ECM2: variants seen among roughly 807,000 people sequenced by gnomAD.
ECM2 encodes the protein extracellular matrix protein 2, also known as extracellular matrix protein 2, female organ and adipocyte specific.
ECM2 carries 57 observed loss-of-function variants against 67.5 expected under a neutral mutation model. That is an observed-to-expected ratio of 0.84 (90% CI 0.68 to 1.05). ECM2 has a LOEUF of 1.05. Ranked by LOEUF, ECM2 falls within the 50% of genes least tolerant of loss-of-function variation. ECM2 has a pLI of 0.00. For synonymous variants in ECM2, 258 were observed against 294.5 expected, an observed-to-expected ratio of 0.88 and a Z score of 1.27; for missense variants, 741 against 822.8, an observed-to-expected ratio of 0.90 and a Z score of 1.22.
rs138532586 is a variant in ECM2, at chr9:92,532,449, C to G, written c.-28+3484G>C. Among the ~76,000 whole-genome samples the G allele has an allele frequency of 7.8e-4, 119 of 152,028 alleles. 1 individual carries two copies. The highest frequency in any genetic ancestry group is 3.4e-3 in the Middle Eastern group (1 of 294). On this transcript the variant is annotated intron_variant, in intron 1 of 9. Transcript: ENST00000344604. The stretch of plus-strand genomic sequence containing the variant: ...ACATTCTCTTTTCCCTTTTTTCATT[C>G]TTTCTATAACTACAGGTACTTGCAT...
In ECM2 at chr9:92,496,162, T is replaced by G; in HGVS notation, c.*153A>C. 7.4e-7 allele frequency: 1 copy of G among 1,347,642 alleles called. No individual in the cohort carries two copies. The highest frequency in any genetic ancestry group is 9.5e-7 in the Non-Finnish European group (1 of 1,055,464). The allele number at this position is 1,347,642 out of a possible 1,614,324, so 83.5% of individuals were successfully genotyped here. A position where few individuals can be genotyped will look rare whatever the true frequency, so the allele number is the denominator to read the frequency against. ...CTAGAGACTATACCTTTTAGGTATA[T>G]TTTGGTTGTTCATCTGTGTGTTAGT... On this transcript the variant is annotated 3_prime_UTR_variant, in exon 10 of 10. Coordinates refer to ENST00000344604, the MANE Select transcript of ECM2 (RefSeq NM_001393.4).
rs746176588 is a variant in ECM2, at chr9:92,512,116, G to A, written c.1065C>T (p.Ile355=). The change falls in exon 5 of 10, where the codon ATC becomes ATT. Residue 355 remains isoleucine (I), a synonymous_variant. Transcript: ENST00000344604. ...ITSLELTGNS[I]ASIPDEAFNG... is the part of the protein sequence containing the mutation. ...TAAATGCTTCATCTGGGATGGAGGCGATGGAATTGCCTAGGACACACAGCG... is the reference window on the plus strand; with the variant it reads ...TAAATGCTTCATCTGGGATGGAGGCAATGGAATTGCCTAGGACACACAGCG... 1.9e-5 allele frequency: 30 copies of A among 1,612,366 alleles called. No homozygotes were observed. The highest frequency in any genetic ancestry group is 1.4e-4 in the South Asian group (13 of 90,974).
chr9:92,525,882 G>A (rs1848367523), intron 1 of ECM2, among the ~76,000 whole-genome samples: 1 of 115,698 alleles, frequency 8.6e-6, no homozygotes, highest in Admixed American at 1.2e-4. Context: ...AGTGCAGAGA[G>A]ACTCTATCTC....
At chr9:92,509,568 C>T (rs1342883032) in intron 6 of ECM2, among the ~76,000 whole-genome samples, 1 of 152,174 alleles carries the variant, frequency 6.6e-6, no homozygotes, top group East Asian at 1.9e-4. Context: ...CGATCCATAA[C>T]ACAAAACACA....
intron 7 of ECM2, among the ~76,000 whole-genome samples, chr9:92,504,859 G>A: frequency 6.6e-6 from 1 of 152,168 alleles, no homozygotes; most frequent in East Asian, 1.9e-4. Flanking sequence ...TTTAACGCAG[G>A]AAATGAGGGG....
chr9:92,500,192 C>CT (rs368245554), intron 9 of ECM2, among the ~76,000 whole-genome samples: 66 of 151,952 alleles, frequency 4.3e-4, no homozygotes, highest in African/African-American at 1.6e-3. Flanking sequence ...ATCTGTTAAT[C>CT]TTTTTTTTGA....
Position 92,514,747 on chromosome 9 carries a change from G to A in ECM2, c.938C>T (p.Thr313Ile). The A allele has an allele frequency of 6.2e-7, 1 of 1,614,178 alleles. No homozygotes were observed. Among genetic ancestry groups the A allele is most frequent in the South Asian group, 1.1e-5 (1 of 91,088 alleles). The change falls in exon 4 of 10, where the codon ACA becomes ATA. Residue 313 changes from threonine (T) to isoleucine (I), a missense_variant. Thr to Ile is a moderately conservative substitution (Grantham distance 89). Transcript: ENST00000344604. Reference sequence around the variant, plus strand: ...AGAGCACCCGCTTGGCAGGCGCAGTGTGCCTCTGGGAGGAGCAGGAAGCGG... The same window carrying A: ...AGAGCACCCGCTTGGCAGGCGCAGTATGCCTCTGGGAGGAGCAGGAAGCGG... ...RSPLPAPPRG[T>I]LRLPSGCSLS...
the ECM2 span, among the ~76,000 whole-genome samples, chr9:92,557,154 C>A: frequency 1.3e-5 from 2 of 152,166 alleles, no homozygotes; most frequent in Non-Finnish European, 2.9e-5. Flanking sequence ...GGGTCCCAAT[C>A]CCTTCTAGCT....
In ECM2 at chr9:92,496,072, A is replaced by G; in HGVS notation, c.*243T>C. 1 of 1,126,024 alleles carries G rather than the reference A, an allele frequency of 8.9e-7. No homozygotes were observed. Among genetic ancestry groups the G allele is most frequent in the Non-Finnish European group, 1.1e-6 (1 of 922,394 alleles). The allele number at this position is 1,126,024 out of a possible 1,614,324, so 69.8% of individuals were successfully genotyped here. A position where few individuals can be genotyped will look rare whatever the true frequency, so the allele number is the denominator to read the frequency against. On this transcript the variant is annotated 3_prime_UTR_variant, in exon 10 of 10. Coordinates refer to ENST00000344604, the MANE Select transcript of ECM2 (RefSeq NM_001393.4). ...CTCAGTATGCATAATATCCTATTCTAGTGAGATGGCCTCTTTCTAGAGGTA... is the reference window on the plus strand; with the variant it reads ...CTCAGTATGCATAATATCCTATTCTGGTGAGATGGCCTCTTTCTAGAGGTA...
At chr9:92,558,237 T>C in the ECM2 span, among the ~76,000 whole-genome samples, 1 of 152,104 alleles carries the variant, frequency 6.6e-6, no homozygotes, top group African/African-American at 2.4e-5. Context: ...ATTACCAGGG[T>C]TGGTTTTCTG....
intron 1 of ECM2, among the ~76,000 whole-genome samples, chr9:92,531,527 G>A (rs899266515): frequency 4.0e-5 from 6 of 151,782 alleles, no homozygotes; most frequent in Admixed American, 6.6e-5. Flanking sequence ...AACGTTTTGC[G>A]CCAGATAATT....
rs1166794912 is a variant in ECM2, at chr9:92,500,993, G to A, written c.1665C>T (p.Pro555=). The change falls in exon 9 of 10, where the codon CCC becomes CCT. Residue 555 remains proline, a synonymous_variant. Transcript: ENST00000344604. ...NKLYHVPSYL[P]KSLLHLVLLG... ...GGAGTACTAGGTGCAGCAAGGACTT[G>A]GGTAGATAGGACGGGACGTGATAGA... The A allele has an allele frequency of 6.2e-7, 1 of 1,614,184 alleles. No individual in the cohort carries two copies. The highest frequency in any genetic ancestry group is 2.2e-5 in the East Asian group (1 of 44,884).
At chr9:92,535,500 A>G (rs1563992752) in intron 1 of ECM2, among the ~76,000 whole-genome samples, 1 of 152,066 alleles carries the variant, frequency 6.6e-6, no homozygotes, top group Non-Finnish European at 1.5e-5. Flanking sequence ...CTTCATTTAA[A>G]ATTTCTTACC....
At chr9:92,510,738 C>T (rs1430142720) in intron 5 of ECM2, among the ~76,000 whole-genome samples, 7 of 152,190 alleles carry the variant, frequency 4.6e-5, no homozygotes, top group Non-Finnish European at 7.3e-5. Flanking sequence ...TCAACAGTTT[C>T]GGAATGGGAC....
chr9:92,503,129 C>T (rs1846791815), intron 7 of ECM2, among the ~76,000 whole-genome samples: 1 of 152,108 alleles, frequency 6.6e-6, no homozygotes, highest in South Asian at 2.1e-4. Context: ...ATAAAACACA[C>T]TGCCATGGTT....
intron 1 of ECM2, among the ~76,000 whole-genome samples, chr9:92,533,331 ATATATATAT>A (rs1848970663): frequency 1.4e-4 from 11 of 79,086 alleles, no homozygotes; most frequent in East Asian, 6.3e-4. Flanking sequence ...AAAAAAAAAT[ATATATATAT>A]ATATATATAT....
chr9:92,540,803 A>G (rs1849301126), upstream of ECM2, among the ~76,000 whole-genome samples: 1 of 152,018 alleles, frequency 6.6e-6, no homozygotes, highest in African/African-American at 2.4e-5. Flanking sequence ...AAGTGAGAAT[A>G]TAATAAGGAA....
At chr9:92,543,471 CAAAAAAAAAAAAAAAA>C in the ECM2 span, among the ~76,000 whole-genome samples, 2 of 44,522 alleles carry the variant, frequency 4.5e-5, no homozygotes, top group African/African-American at 1.9e-4. Context: ...AACCCTGTCT[CAAAAAAAAAAAAAAAA>C]AAAAAAAAAA....
chr9:92,522,896 A>G lies in ECM2; in HGVS notation c.-27-3T>C. 1 of 1,567,362 alleles carries G rather than the reference A, an allele frequency of 6.4e-7. No homozygotes were observed. The highest frequency in any genetic ancestry group is 8.6e-7 in the Non-Finnish European group (1 of 1,164,140). Reference sequence around the variant, plus strand: ...GATTTTTTTCCACCAGCCAATTTCTAGAATGAAACAATATTTCAAAGTTAG... The same window carrying G: ...GATTTTTTTCCACCAGCCAATTTCTGGAATGAAACAATATTTCAAAGTTAG... On this transcript the variant is annotated splice_region_variant and splice_polypyrimidine_tract_variant and intron_variant, in intron 1 of 9. Transcript: ENST00000344604.
Sources: gnomAD v4.1 joint callset for allele counts (sites outside exome capture counted in the v4.1 genomes callset) on GRCh38, gnomAD v4.1.1 for gene constraint, MANE v1.5 for transcripts, NCBI Gene and HGNC (gene_info 2026-07-23, HGNC 2026-07-21) for gene names.